MRTFB: variants seen among roughly 807,000 people sequenced by gnomAD.
MRTFB encodes the protein myocardin related transcription factor B.
Under a neutral mutation model 104.2 loss-of-function variants are expected in MRTFB, and 29 were observed. That is an observed-to-expected ratio of 0.28 (90% CI 0.21 to 0.38). The LOEUF is 0.38. MRTFB is among the 10% of genes least tolerant of loss of function. The pLI is 1.00. For missense variants in MRTFB, 1,270 were observed against 1,341.6 expected (o/e 0.95, Z 0.83); for synonymous variants, 535 against 519.5 (o/e 1.03, Z -0.41).
At chr16:14,228,716 T>C (rs2042121676) in intron 8 of MRTFB, among the ~76,000 whole-genome samples, 1 of 152,238 alleles carries the variant, frequency 6.6e-6, no homozygotes, top group Non-Finnish European at 1.5e-5. Flanking sequence ...ATGTGCTATA[T>C]TTATACGTTG....
chr16:14,174,483 G>A (rs1282777230), intron 3 of MRTFB, among the ~76,000 whole-genome samples: 1 of 152,112 alleles, frequency 6.6e-6, no homozygotes, highest in African/African-American at 2.4e-5. Context: ...AAGAGTTTGA[G>A]ACTAGCCTGG....
At chr16:14,196,637 CTT>C (rs1047641900) in intron 3 of MRTFB, among the ~76,000 whole-genome samples, 2 of 152,162 alleles carry the variant, frequency 1.3e-5, no homozygotes, top group Admixed American at 6.5e-5. Context: ...AGAAAATAGT[CTT>C]AATATCAAAA....
rs1201746834 is a variant in MRTFB at position 14,177,466 on chromosome 16, G to GT, written c.155-32771dup. ...TTTGTTTGTTTGTTTTTTAATCTTTGTTTTTTCACCTAGCAAAAGTGTGTC... is the reference window on the plus strand; with the variant it reads ...TTTGTTTGTTTGTTTTTTAATCTTTGTTTTTTTCACCTAGCAAAAGTGTGTC... On this transcript the variant is annotated intron_variant, in intron 3 of 16. Transcript: ENST00000571589. The surrounding 1 kb of genome is among the most constrained non-coding windows in gnomAD (Gnocchi z 4.7). Among the ~76,000 whole-genome samples the GT allele has an allele frequency of 3.9e-5, 6 of 152,166 alleles. No individual in the cohort carries two copies. In the South Asian group the frequency reaches 1.0e-3, roughly 26 times the overall value.
intron 10 of MRTFB, among the ~76,000 whole-genome samples, chr16:14,241,994 TAATA>T (rs1292785991): frequency 1.3e-5 from 2 of 148,606 alleles, no homozygotes; most frequent in African/African-American, 4.9e-5. Context: ...ATAATAATAA[TAATA>T]ATAATAATAA....
At position 14,246,898 on chromosome 16, in the gene MRTFB, G is replaced by A. The variant is rs764699997; in HGVS notation, c.1638G>A (p.Met546Ile). The A allele has an allele frequency of 6.2e-7, 1 of 1,613,768 alleles. No homozygotes were observed. The highest frequency in any genetic ancestry group is 1.1e-5 in the South Asian group (1 of 91,060). ...TCTTGAGTTCATCTCCTTTGAGAAT[G>A]ACAAATAATGAAGACAGTCTGAGTC... ...SQFLSSSPLR[M>I]TNNEDSLSPT... The change falls in exon 12 of 17, where the codon ATG becomes ATA. Residue 546 changes from methionine (M) to isoleucine (I), a missense_variant. Transcript: ENST00000571589.
chr16:14,159,555 C>A (rs1198876592), intron 3 of MRTFB, among the ~76,000 whole-genome samples: 3 of 152,202 alleles, frequency 2.0e-5, no homozygotes, highest in African/African-American at 7.2e-5. Context: ...TGCAAATGGA[C>A]ATTTTCCCCT....
chr16:14,200,777 G>A, intron 3 of MRTFB: 1 of 1,467,990 alleles, frequency 6.8e-7, no homozygotes, highest in Non-Finnish European at 9.5e-7. Context: ...GGTGATACTT[G>A]CCTTCAGTGC....
At chr16:14,046,161 T>C in the MRTFB span, among the ~76,000 whole-genome samples, 2 of 152,016 alleles carry the variant, frequency 1.3e-5, no homozygotes, top group East Asian at 1.9e-4. Context: ...ACATGACACA[T>C]AGTAGGTTGT....
chr16:14,201,795 GAC>G (rs2040717765), intron 3 of MRTFB, among the ~76,000 whole-genome samples: 1 of 152,088 alleles, frequency 6.6e-6, no homozygotes, highest in South Asian at 2.1e-4. Context: ...ATGCCTAAAA[GAC>G]ATTTTATTTT....
At chr16:14,142,458 C>G (rs998517851) in intron 3 of MRTFB, 2 of 152,070 alleles carry the variant, frequency 1.3e-5, no homozygotes, top group Non-Finnish European at 2.9e-5. Flanking sequence ...CAGTGTTAGC[C>G]AGAATGGTTT....
At chr16:14,063,663 C>G in the MRTFB span, among the ~76,000 whole-genome samples, 1 of 152,220 alleles carries the variant, frequency 6.6e-6, no homozygotes, top group Non-Finnish European at 1.5e-5. Flanking sequence ...GCTCCATCCA[C>G]CATTCCTGTT....
chr16:14,145,218 G>C (rs1404573412), intron 3 of MRTFB, among the ~76,000 whole-genome samples: 1 of 151,492 alleles, frequency 6.6e-6, no homozygotes, highest in Non-Finnish European at 1.5e-5. Flanking sequence ...AAATGCAGGT[G>C]TTGGCATCAA....
In MRTFB at chr16:14,130,423, T is replaced by C. The variant is rs559622776; in HGVS notation, c.-63-10121T>C. Among the ~76,000 whole-genome samples, 14 of 152,340 alleles carry C rather than the reference T, an allele frequency of 9.2e-5. No homozygotes were observed. The East Asian group carries it at 2.3e-3, about 25-fold the overall frequency. On this transcript the variant is annotated intron_variant, in intron 2 of 16. Coordinates refer to ENST00000571589, the MANE Select transcript of MRTFB (RefSeq NM_001308142.2). ...TACCTGCAATTTCATTTTGAACATA[T>C]AAATTCCTAGAAAATCAATTCCTGG...
the MRTFB span, among the ~76,000 whole-genome samples, chr16:14,045,120 C>T: frequency 6.6e-6 from 1 of 152,192 alleles, no homozygotes; most frequent in African/African-American, 2.4e-5. Context: ...CAATCAGTCT[C>T]ACTTATTATC....
At chr16:14,169,221 T>C (rs2039345654) in intron 3 of MRTFB, among the ~76,000 whole-genome samples, 1 of 152,198 alleles carries the variant, frequency 6.6e-6, no homozygotes, top group African/African-American at 2.4e-5. Context: ...CACATCTCTC[T>C]AAAGACTTCA....
the MRTFB span, among the ~76,000 whole-genome samples, chr16:14,006,986 C>T: frequency 6.6e-6 from 1 of 152,064 alleles, no homozygotes; most frequent in African/African-American, 2.4e-5. Flanking sequence ...CACTGCACTC[C>T]GGCCTGGGCA....
At chr16:14,029,667 T>G in the MRTFB span, among the ~76,000 whole-genome samples, 990 of 152,058 alleles carry the variant, frequency 6.5e-3, 9 homozygotes, top group African/African-American at 0.023. Flanking sequence ...TGTACGCACA[T>G]GCAGGAAACA....
chr16:14,033,226 C>T, the MRTFB span, among the ~76,000 whole-genome samples: 1 of 151,688 alleles, frequency 6.6e-6, no homozygotes, highest in East Asian at 1.9e-4. Flanking sequence ...GTAGCAAGGC[C>T]CCATCTCTAC....
At chr16:14,154,724 A>G (rs1428743149) in intron 3 of MRTFB, among the ~76,000 whole-genome samples, 2 of 152,214 alleles carry the variant, frequency 1.3e-5, no homozygotes, top group Non-Finnish European at 2.9e-5. Context: ...CTGAAGGTTC[A>G]ACTAGGGAAG....
Sources: allele counts gnomAD v4.1 joint callset (sites outside exome capture counted in the v4.1 genomes callset), GRCh38; gene constraint gnomAD v4.1.1; non-coding constraint Gnocchi (gnomAD v3.1); transcripts MANE v1.5; gene names NCBI Gene and HGNC (gene_info 2026-07-23, HGNC 2026-07-21).